SMAP1: variants seen among roughly 807,000 people sequenced by gnomAD.
SMAP1 encodes the protein stromal membrane-associated protein 1.
A neutral mutation model predicts 58.5 loss-of-function variants in SMAP1; 24 were observed. That is an observed-to-expected ratio of 0.41 (90% CI 0.30 to 0.58). The LOEUF (loss-of-function observed/expected upper bound fraction) is 0.58. SMAP1 is among the 20% of genes least tolerant of loss of function. The probability of loss-of-function intolerance (pLI) is 0.29; values close to 1 mark genes in which losing one functional copy is unlikely to be tolerated. For missense variants in SMAP1, 563 were observed against 566.3 expected (o/e 0.99, Z 0.06); for synonymous variants, 216 against 196.6 (o/e 1.10, Z -0.82).
chr6:70,822,378 G>C (rs1461723440), intron 6 of SMAP1, among the ~76,000 whole-genome samples: 1 of 152,034 alleles, frequency 6.6e-6, no homozygotes, highest in Non-Finnish European at 1.5e-5. Context: ...GAGAACCTGA[G>C]AGACAGAAGT....
intron 4 of SMAP1, among the ~76,000 whole-genome samples, chr6:70,780,858 A>G (rs956409006): frequency 6.6e-6 from 1 of 152,106 alleles, no homozygotes; most frequent in Non-Finnish European, 1.5e-5. Context: ...ACTTCTTTTC[A>G]TTACAGTTTG....
intron 1 of SMAP1, among the ~76,000 whole-genome samples, chr6:70,724,882 G>A (rs1300072265): frequency 2.0e-5 from 3 of 151,710 alleles, no homozygotes; most frequent in Non-Finnish European, 4.4e-5. Context: ...TTAATATTAA[G>A]AAACTCCCAA....
chr6:70,833,133 CTCTA>C (rs2149994349), intron 6 of SMAP1, among the ~76,000 whole-genome samples: 1 of 152,224 alleles, frequency 6.6e-6, no homozygotes, highest in African/African-American at 2.4e-5. Flanking sequence ...GTATTTGTTA[CTCTA>C]TCTAGAATTT....
chr6:70,770,650 C>G (rs1327647444), intron 3 of SMAP1, among the ~76,000 whole-genome samples: 2 of 152,170 alleles, frequency 1.3e-5, no homozygotes, highest in African/African-American at 4.8e-5. Context: ...CTACATTCGT[C>G]TGAATTTTTT....
intron 4 of SMAP1, among the ~76,000 whole-genome samples, chr6:70,787,617 A>G (rs1299390774): frequency 6.6e-6 from 1 of 152,084 alleles, no homozygotes; most frequent in Non-Finnish European, 1.5e-5. Context: ...AAAACAAACA[A>G]CCCCATCAAA....
rs755163297 is a variant in SMAP1 at position 70,861,990 on chromosome 6, AT to A, written c.*1657del. The A allele has an allele frequency of 9.6e-6, 15 of 1,568,470 alleles. No homozygotes were observed. Among genetic ancestry groups the A allele is most frequent in the South Asian group, 1.2e-5 (1 of 83,968 alleles). On this transcript the variant is annotated 3_prime_UTR_variant, in exon 11 of 11. Transcript: ENST00000370455. The stretch of plus-strand genomic sequence containing the variant: ...ACTTACAGCAAATCCTTTGTGAAAA[AT>A]AAAAAAAAAAAAGAGACTTTAAAAT...
chr6:70,784,105 C>T (rs990968036), intron 4 of SMAP1, among the ~76,000 whole-genome samples: 14 of 152,270 alleles, frequency 9.2e-5, no homozygotes, highest in Admixed American at 3.3e-4. Context: ...GCTGACCTCT[C>T]GGCAGAAACT....
At chr6:70,769,049 A>G (rs1000974997) in intron 3 of SMAP1, among the ~76,000 whole-genome samples, 51 of 152,122 alleles carry the variant, frequency 3.4e-4, no homozygotes, top group Non-Finnish European at 4.0e-4. Flanking sequence ...GTTTCCATGT[A>G]GCTGAGCAGT....
chr6:70,695,126 A>G (rs1019259541), intron 1 of SMAP1, among the ~76,000 whole-genome samples: 1 of 152,084 alleles, frequency 6.6e-6, no homozygotes, highest in Non-Finnish European at 1.5e-5. Context: ...TGATTTTTGT[A>G]TATTGATTGT....
At chr6:70,713,782 C>T (rs137893375) in intron 1 of SMAP1, among the ~76,000 whole-genome samples, 1 of 151,902 alleles carries the variant, frequency 6.6e-6, no homozygotes, top group Non-Finnish European at 1.5e-5. Context: ...TGTTCAAGCC[C>T]CGTTTCTTTA....
intron 2 of SMAP1, among the ~76,000 whole-genome samples, chr6:70,735,955 A>T (rs1234424123): frequency 6.6e-6 from 1 of 152,172 alleles, no homozygotes; most frequent in African/African-American, 2.4e-5. Flanking sequence ...TAAATATGGA[A>T]ACATGATTTA....
At chr6:70,841,886 C>G (rs568705829) in intron 7 of SMAP1, among the ~76,000 whole-genome samples, 8 of 152,242 alleles carry the variant, frequency 5.3e-5, no homozygotes, top group African/African-American at 1.7e-4. Flanking sequence ...AGAAAGTACT[C>G]TACTTACCTT....
chr6:70,732,263 A>T (rs966470509), intron 1 of SMAP1, 115 bp from the exon 2 acceptor site: 2 of 1,139,080 alleles, frequency 1.8e-6, no homozygotes, highest in African/African-American at 1.6e-5. Flanking sequence ...TGAGCATGTG[A>T]CTTCTGTAAG....
At chr6:70,814,438 A>G (rs768842377) in intron 6 of SMAP1, among the ~76,000 whole-genome samples, 2 of 152,186 alleles carry the variant, frequency 1.3e-5, no homozygotes, top group African/African-American at 4.8e-5. Flanking sequence ...AGAGACTACT[A>G]TGCAGCCCTG....
intron 7 of SMAP1, among the ~76,000 whole-genome samples, chr6:70,840,471 T>G (rs1472619176): frequency 6.6e-6 from 1 of 152,206 alleles, no homozygotes; most frequent in Non-Finnish European, 1.5e-5. Context: ...ATAGACATTA[T>G]TTTTGGCTTT....
intron 4 of SMAP1, among the ~76,000 whole-genome samples, chr6:70,782,438 C>T (rs1450535307): frequency 6.6e-6 from 1 of 152,132 alleles, no homozygotes; most frequent in Non-Finnish European, 1.5e-5. Flanking sequence ...TAATATCTGC[C>T]ACAGATAACT....
At chr6:70,814,782 T>C (rs1305213463) in intron 6 of SMAP1, among the ~76,000 whole-genome samples, 1 of 152,108 alleles carries the variant, frequency 6.6e-6, no homozygotes, top group Admixed American at 6.6e-5. Flanking sequence ...GTCTGACAGT[T>C]TGTTCTTGAG....
At chr6:70,741,042 T>C (rs952102580) in intron 2 of SMAP1, among the ~76,000 whole-genome samples, 6 of 152,120 alleles carry the variant, frequency 3.9e-5, no homozygotes, top group Non-Finnish European at 7.4e-5. Flanking sequence ...CCACAACACA[T>C]GGGAATTATG....
chr6:70,777,939 A>G (rs930731033), intron 4 of SMAP1, among the ~76,000 whole-genome samples: 1 of 151,900 alleles, frequency 6.6e-6, no homozygotes, highest in Admixed American at 6.6e-5. Context: ...TTTGTTAGAG[A>G]TGGGGTTTTG....
Sources: gnomAD v4.1 joint callset for allele counts (sites outside exome capture counted in the v4.1 genomes callset) on GRCh38, gnomAD v4.1.1 for gene constraint, MANE v1.5 for transcripts, NCBI Gene and HGNC (gene_info 2026-07-23, HGNC 2026-07-21) for gene names.